Variants in PIWIL1 observed in about 807,000 individuals in gnomAD.
PIWIL1 encodes the protein piwi-like protein 1.
PIWIL1 carries 73 observed loss-of-function variants against 114.4 expected under a neutral mutation model. That is an observed-to-expected ratio of 0.64 (90% CI 0.53 to 0.78). The LOEUF (loss-of-function observed/expected upper bound fraction) is 0.78. Ranked by LOEUF, PIWIL1 falls within the 30% of genes least tolerant of loss-of-function variation. The probability of loss-of-function intolerance (pLI) is 0.00; values close to 1 mark genes in which losing one functional copy is unlikely to be tolerated. For synonymous variants in PIWIL1, 375 were observed against 369.0 expected, an observed-to-expected ratio of 1.02 and a Z score of -0.19; for missense variants, 723 against 1,063.1, an observed-to-expected ratio of 0.68 and a Z score of 4.45.
chr12:130,424,973 G>C, the PIWIL1 span: 37 of 546,354 alleles, frequency 6.8e-5, no homozygotes, highest in Admixed American at 5.7e-4. The surrounding 1 kb of genome is among the most constrained non-coding windows in gnomAD (Gnocchi z 9.8). Context: ...GCACCGAGGG[G>C]GGGGAAGCAT....
downstream of PIWIL1, among the ~76,000 whole-genome samples, chr12:130,375,079 T>C (rs1233045893): frequency 2.0e-5 from 3 of 152,090 alleles, no homozygotes; most frequent in African/African-American, 7.2e-5. Flanking sequence ...TTTGATCAGA[T>C]CATGTCAGCC....
rs2073380361 is a variant in PIWIL1, at chr12:130,356,992, A to G, written c.1479A>G (p.Leu493=). The G allele has an allele frequency of 6.2e-7, 1 of 1,613,200 alleles. No homozygotes were observed. Among genetic ancestry groups the G allele is most frequent in the Non-Finnish European group, 8.5e-7 (1 of 1,179,212 alleles). The change falls in exon 13 of 21, where the codon CTA becomes CTG. Residue 493 remains leucine, a synonymous_variant. Transcript: ENST00000245255. ...RGAPLISVKP[L]DNWLLIYTRR... is the part of the protein sequence containing the mutation. ...CACCATTAATTAGTGTTAAGCCACT[A>G]GATAACTGGCTGTTGATCTATACGC... is the stretch of plus-strand genomic sequence containing the variant.
chr12:130,362,728 A>G (rs757745979), intron 16 of PIWIL1, 38 bp from the exon 17 acceptor site: 11 of 1,560,384 alleles, frequency 7.0e-6, no homozygotes, highest in East Asian at 4.5e-5. Context: ...TTGATAGACA[A>G]TTGCATTCTT....
Position 130,371,253 on chromosome 12 carries a change from A to G in PIWIL1, c.2399A>G (p.Asn800Ser). The G allele has an allele frequency of 6.2e-7, 1 of 1,614,226 alleles. No homozygotes were observed. The highest frequency in any genetic ancestry group is 8.5e-7 in the Non-Finnish European group (1 of 1,180,026). ...SPTHYNVIYD[N>S]SGLKPDHIQR... ...ACACATTACAATGTCATCTATGACA[A>G]CAGCGGCCTGAAGCCAGACCACATA... The change falls in exon 20 of 21, where the codon AAC becomes AGC. Residue 800 changes from asparagine to serine, a missense_variant. Asn to Ser is a conservative substitution (Grantham distance 46). Coordinates refer to ENST00000245255, the MANE Select transcript of PIWIL1 (RefSeq NM_004764.5).
chr12:130,357,560 A>G lies in PIWIL1; in HGVS notation c.1665+7A>G, dbSNP rs891278539. The G allele has an allele frequency of 3.1e-6, 5 of 1,595,984 alleles. No homozygotes were observed. The highest frequency in any genetic ancestry group is 4.3e-6 in the Non-Finnish European group (5 of 1,163,732). On this transcript the variant is annotated splice_region_variant and intron_variant, in intron 14 of 20. Transcript: ENST00000245255. The stretch of plus-strand genomic sequence containing the variant: ...CACAGCAGACACCCAGATAGTAAGT[A>G]ACTAATTGACATATAGGCAGTTTTC...
chr12:130,414,101 C>T, the PIWIL1 span: 31 of 1,613,024 alleles, frequency 1.9e-5, no homozygotes, highest in Non-Finnish European at 2.6e-5. Context: ...CTGATGAAGC[C>T]GCCCGCAGGC....
chr12:130,368,281 G>C (rs2073725166), intron 19 of PIWIL1, among the ~76,000 whole-genome samples: 1 of 152,136 alleles, frequency 6.6e-6, no homozygotes, highest in Non-Finnish European at 1.5e-5. Flanking sequence ...TTGTGAAGAA[G>C]GCGACTTTAA....
chr12:130,345,793 A>C lies in PIWIL1; in HGVS notation c.231A>C (p.Ala77=), dbSNP rs996785505. Residue 77 remains alanine, a synonymous_variant, in exon 4 of 21, where the codon GCA becomes GCC. Transcript: ENST00000245255. ...CTGGATTTCAGGAGTTATCGTTAGC[A>C]GAGAGAGGAGGTCGTCGTAGAGATT... ...ISAGFQELSL[A]ERGGRRRDFH... The C allele has an allele frequency of 6.2e-7, 1 of 1,613,922 alleles. No homozygotes were observed. Among genetic ancestry groups the C allele is most frequent in the Non-Finnish European group, 8.5e-7 (1 of 1,179,936 alleles).
rs34198016 is a variant in PIWIL1 at position 130,363,612 on chromosome 12, C to CTTTTTTTTTTTTTT, written c.2195+478_2195+491dup. On this transcript the variant is annotated intron_variant, in intron 18 of 20. Coordinates refer to ENST00000245255, the MANE Select transcript of PIWIL1 (RefSeq NM_004764.5). ...GGGCAGGGGTAGTTCTACTTTCTCC[C>CTTTTTTTTTTTTTT]TTTTTTTTTTTTTTTTTTTTTTTGA... Among the ~76,000 whole-genome samples, 3 of 82,432 alleles carry CTTTTTTTTTTTTTT rather than the reference C, an allele frequency of 3.6e-5. 1 individual carries two copies. Among genetic ancestry groups the CTTTTTTTTTTTTTT allele is most frequent in the Non-Finnish European group, 6.4e-5 (3 of 47,228 alleles). 54.1% of individuals were successfully genotyped at this position (82,432 alleles called of 152,430 possible).
At chr12:130,383,266 G>A in the PIWIL1 span, 1 of 152,152 alleles carries the variant, frequency 6.6e-6, no homozygotes, top group South Asian at 2.1e-4. Context: ...TTTGACCAGG[G>A]CCTGCAGGCA....
At chr12:130,403,871 T>C in the PIWIL1 span, among the ~76,000 whole-genome samples, 3 of 152,204 alleles carry the variant, frequency 2.0e-5, no homozygotes. Context: ...AATTTACTGA[T>C]GAAAAATAAG....
chr12:130,366,023 C>T (rs2073645726), intron 18 of PIWIL1, among the ~76,000 whole-genome samples: 1 of 152,200 alleles, frequency 6.6e-6, no homozygotes, highest in Admixed American at 6.5e-5. Context: ...ATTCAATTTT[C>T]AGTGAAAAAC....
At chr12:130,368,448 T>G (rs1296543987) in intron 19 of PIWIL1, among the ~76,000 whole-genome samples, 2 of 152,134 alleles carry the variant, frequency 1.3e-5, no homozygotes. Flanking sequence ...TATCTGACAG[T>G]GGAGAGAAAT....
At chr12:130,354,759 C>A in intron 10 of PIWIL1, 96 bp downstream of exon 10, 1 of 1,480,654 alleles carries the variant, frequency 6.8e-7, no homozygotes, top group Non-Finnish European at 9.1e-7. Flanking sequence ...CCTTCCCTCC[C>A]CCCAGAAAAC....
At chr12:130,409,332 C>CTTT in the PIWIL1 span, among the ~76,000 whole-genome samples, 255 of 65,408 alleles carry the variant, frequency 3.9e-3, 55 homozygotes, top group Non-Finnish European at 6.1e-3. Flanking sequence ...CAAAATGTAG[C>CTTT]TTTTTTTTTT....
downstream of PIWIL1, among the ~76,000 whole-genome samples, chr12:130,377,220 C>T (rs923853413): frequency 3.9e-5 from 6 of 152,190 alleles, no homozygotes; most frequent in African/African-American, 1.4e-4. Context: ...TTTCGATGAT[C>T]CCCAGTGTAT....
intron 14 of PIWIL1, among the ~76,000 whole-genome samples, chr12:130,360,216 G>A (rs1162715001): frequency 6.6e-6 from 1 of 152,180 alleles, no homozygotes; most frequent in Non-Finnish European, 1.5e-5. Context: ...GATCCCACAG[G>A]CAGATAGCTA....
the PIWIL1 span, chr12:130,424,977 G>A: frequency 3.9e-6 from 2 of 508,126 alleles, no homozygotes; most frequent in African/African-American, 2.0e-5. The surrounding 1 kb of genome is among the most constrained non-coding windows in gnomAD (Gnocchi z 9.8). Context: ...CGAGGGGGGG[G>A]AAGCATGCGT....
the PIWIL1 span, among the ~76,000 whole-genome samples, chr12:130,420,438 T>G: frequency 6.6e-6 from 1 of 152,202 alleles, no homozygotes; most frequent in Non-Finnish European, 1.5e-5. The surrounding 1 kb of genome is among the most constrained non-coding windows in gnomAD (Gnocchi z 4.3). Flanking sequence ...TCACCCAATT[T>G]AACAAGTGTG....
Sources: allele counts gnomAD v4.1 joint callset (sites outside exome capture counted in the v4.1 genomes callset), GRCh38; gene constraint gnomAD v4.1.1; non-coding constraint Gnocchi (gnomAD v3.1); transcripts MANE v1.5; gene names NCBI Gene and HGNC (gene_info 2026-07-23, HGNC 2026-07-21).